The following SBF2 variants were observed in gnomAD, a reference collection of about 807,000 sequenced individuals.
The protein encoded by SBF2 is myotubularin-related protein 13.
In SBF2, 112 loss-of-function variants were observed where a neutral mutation model predicts 225.2. The observed-to-expected ratio is 0.50, with a 90% CI of 0.43 to 0.58. The LOEUF is 0.58. SBF2 is among the 20% of genes least tolerant of loss of function. The probability of loss-of-function intolerance (pLI) is 0.00; values close to 1 mark genes in which losing one functional copy is unlikely to be tolerated. For missense variants in SBF2, 1,996 were observed against 2,206.2 expected (o/e 0.90, Z 1.91); for synonymous variants, 763 against 773.3 (o/e 0.99, Z 0.22).
At chr11:9,834,477 A>G (rs1026339550) in intron 26 of SBF2, among the ~76,000 whole-genome samples, 1 of 152,218 alleles carries the variant, frequency 6.6e-6, no homozygotes. Context: ...TCTTGATAAG[A>G]ACCAGTGCTG....
chr11:10,032,649 A>G (rs1014121542), intron 3 of SBF2, among the ~76,000 whole-genome samples: 1 of 152,130 alleles, frequency 6.6e-6, no homozygotes, highest in Non-Finnish European at 1.5e-5. Flanking sequence ...TCTCCATGGC[A>G]TTTGTTACTA....
chr11:9,972,554 C>T (rs1020016299), intron 13 of SBF2, among the ~76,000 whole-genome samples: 3 of 152,188 alleles, frequency 2.0e-5, no homozygotes, highest in Admixed American at 6.5e-5. Flanking sequence ...GATCTCTGCT[C>T]GCTGCAACCT....
At chr11:9,980,933 T>A (rs1195615805) in intron 13 of SBF2, among the ~76,000 whole-genome samples, 6 of 152,258 alleles carry the variant, frequency 3.9e-5, no homozygotes. Context: ...TGTTTTAATA[T>A]GAAACCTCTG....
At chr11:9,923,912 G>A (rs1250621465) in intron 16 of SBF2, among the ~76,000 whole-genome samples, 1 of 152,162 alleles carries the variant, frequency 6.6e-6, no homozygotes, top group Non-Finnish European at 1.5e-5. Context: ...AGCTTGGGTT[G>A]AATTTCATGC....
chr11:9,876,365 G>T (rs190529613), intron 17 of SBF2, among the ~76,000 whole-genome samples: 4 of 152,096 alleles, frequency 2.6e-5, no homozygotes, highest in Non-Finnish European at 4.4e-5. Flanking sequence ...CTGAATGTTT[G>T]TGTCCCCCTT....
chr11:10,236,057 C>A (rs972340336), intron 1 of SBF2, among the ~76,000 whole-genome samples: 3 of 151,972 alleles, frequency 2.0e-5, no homozygotes, highest in Admixed American at 6.6e-5. Context: ...GGCAACAGAG[C>A]GAGATCTTGT....
Position 9,790,596 on chromosome 11 carries a change from G to A in SBF2, c.4658C>T (p.Pro1553Leu). 1 of 1,585,622 alleles carries A rather than the reference G, an allele frequency of 6.3e-7. No individual in the cohort carries two copies. Residue 1553 changes from proline (P) to leucine (L), a missense_variant, in exon 34 of 40, where the codon CCC becomes CTC. By Grantham distance (98) the Pro-to-Leu change is moderately conservative. Transcript: ENST00000256190. Reference protein sequence around the residue: ...ECIDRMHKRSPIFFNYLYSPL... With the variant: ...ECIDRMHKRSLIFFNYLYSPL... Reference sequence around the variant, plus strand: ...TGAATATAAATAATTAAAGAAAATGGGACTCCTCTTGTGCATTCTGTCAAT... The same window carrying A: ...TGAATATAAATAATTAAAGAAAATGAGACTCCTCTTGTGCATTCTGTCAAT...
At chr11:9,818,965 G>A (rs1037090182) in intron 28 of SBF2, among the ~76,000 whole-genome samples, 13 of 151,484 alleles carry the variant, frequency 8.6e-5, no homozygotes, top group African/African-American at 1.9e-4. Flanking sequence ...CAGGTGATCC[G>A]CCCGCCTCAG....
rs746693765 is a variant in SBF2, at chr11:9,809,017, G to A, written c.4156-15C>T. Reference sequence around the variant, plus strand: ...ATCCTGTGAAGCTAAGAGACAGGAAGGAGAACACAATTAGACCAAGCGCTT... The same window carrying A: ...ATCCTGTGAAGCTAAGAGACAGGAAAGAGAACACAATTAGACCAAGCGCTT... On this transcript the variant is annotated splice_polypyrimidine_tract_variant and intron_variant, in intron 30 of 39. Transcript: ENST00000256190. 15 of 1,599,286 alleles carry A rather than the reference G, an allele frequency of 9.4e-6. No homozygotes were observed. The highest frequency in any genetic ancestry group is 1.3e-5 in the Non-Finnish European group (15 of 1,166,720).
At chr11:10,184,072 T>C (rs1956837805) in intron 2 of SBF2, among the ~76,000 whole-genome samples, 1 of 152,212 alleles carries the variant, frequency 6.6e-6, no homozygotes, top group Non-Finnish European at 1.5e-5. Context: ...ATTGCATACA[T>C]GTACTGAAAT....
At position 9,780,327 on chromosome 11, in the gene SBF2, G is replaced by C; in HGVS notation, c.*91C>G. On this transcript the variant is annotated 3_prime_UTR_variant, in exon 40 of 40. Coordinates refer to ENST00000256190, the MANE Select transcript of SBF2 (RefSeq NM_030962.4). Reference sequence around the variant, plus strand: ...AGAACCTCAGGCCCTGGGATAACTTGTTGTCAGCTCCTCAAGGATCCATGC... The same window carrying C: ...AGAACCTCAGGCCCTGGGATAACTTCTTGTCAGCTCCTCAAGGATCCATGC... 1.8e-6 allele frequency: 2 copies of C among 1,135,380 alleles called. No individual in the cohort carries two copies. Among genetic ancestry groups the C allele is most frequent in the East Asian group, 2.4e-5 (1 of 41,228 alleles). The allele number at this position is 1,135,380 out of a possible 1,614,324, so 70.3% of individuals were successfully genotyped here.
chr11:10,304,066 C>T (rs933620666), intron 1 of SBF2, among the ~76,000 whole-genome samples: 2 of 152,162 alleles, frequency 1.3e-5, no homozygotes, highest in African/African-American at 2.4e-5. Context: ...GGGTGACTTC[C>T]CCTCTCTGCA....
intron 6 of SBF2, among the ~76,000 whole-genome samples, chr11:10,007,402 C>G (rs1948243131): frequency 6.6e-6 from 1 of 152,160 alleles, no homozygotes; most frequent in African/African-American, 2.4e-5. Context: ...TAATATTTTT[C>G]TGTAACACAG....
At chr11:10,057,343 A>T (rs1950290799) in intron 2 of SBF2, among the ~76,000 whole-genome samples, 1 of 152,128 alleles carries the variant, frequency 6.6e-6, no homozygotes, top group Non-Finnish European at 1.5e-5. Flanking sequence ...CTGCAATGTA[A>T]CTGCCCTTGT....
At chr11:10,228,895 C>T (rs1333129367) in intron 1 of SBF2, among the ~76,000 whole-genome samples, 1 of 152,150 alleles carries the variant, frequency 6.6e-6, no homozygotes, top group East Asian at 1.9e-4. Flanking sequence ...AGGAATGGTA[C>T]CAGCTCCTCC....
At chr11:9,785,073 T>C in intron 37 of SBF2, 52 bp downstream of exon 37, 1 of 1,511,596 alleles carries the variant, frequency 6.6e-7, no homozygotes. Flanking sequence ...TGGTTTAGCC[T>C]CAGGTGCTGT....
chr11:9,862,739 ATT>A (rs562151948), intron 17 of SBF2, among the ~76,000 whole-genome samples: 3 of 152,042 alleles, frequency 2.0e-5, no homozygotes, highest in Non-Finnish European at 4.4e-5. Flanking sequence ...ATTTAAAAAA[ATT>A]TTTTTTATTA....
At chr11:10,153,928 T>C (rs898087220) in intron 2 of SBF2, among the ~76,000 whole-genome samples, 1 of 152,134 alleles carries the variant, frequency 6.6e-6, no homozygotes, top group African/African-American at 2.4e-5. Flanking sequence ...CTATCCTTTC[T>C]CCACTGAATA....
chr11:10,244,527 T>C (rs1264918024), intron 1 of SBF2, among the ~76,000 whole-genome samples: 2 of 152,354 alleles, frequency 1.3e-5, no homozygotes, highest in East Asian at 3.9e-4. Context: ...CTTTGTAATA[T>C]ATTTTAAAAT....
Sources: gnomAD v4.1 joint callset for allele counts (sites outside exome capture counted in the v4.1 genomes callset) on GRCh38, gnomAD v4.1.1 for gene constraint, MANE v1.5 for transcripts, NCBI Gene and HGNC (gene_info 2026-07-23, HGNC 2026-07-21) for gene names.